FBLN1: variants seen among roughly 807,000 people sequenced by gnomAD.
FBLN1 encodes fibulin-1.
FBLN1 carries 34 observed loss-of-function variants against 89.7 expected under a neutral mutation model. The observed-to-expected ratio is 0.38, with a 90% CI of 0.29 to 0.50. FBLN1 has a LOEUF of 0.50. FBLN1 is among the 20% of genes least tolerant of loss of function. The pLI is 0.92. For missense variants in FBLN1, 777 were observed against 988.1 expected (o/e 0.79, Z 2.86); for synonymous variants, 393 against 391.3 (o/e 1.00, Z -0.05).
At chr22:45,516,970 G>C (rs2088177993) in intron 1 of FBLN1, among the ~76,000 whole-genome samples, 1 of 152,240 alleles carries the variant, frequency 6.6e-6, no homozygotes, top group Admixed American at 6.5e-5. Context: ...GAATGTTTCT[G>C]CAAGTTTCCC....
chr22:45,597,115 A>G lies in FBLN1; in HGVS notation c.1973-3192A>G, dbSNP rs2089194257. Among the ~76,000 whole-genome samples, 1 of 142,336 alleles carries G rather than the reference A, an allele frequency of 7.0e-6. No individual in the cohort carries two copies. The highest frequency in any genetic ancestry group is 1.6e-5 in the Non-Finnish European group (1 of 63,866). The allele number at this position is 142,336 out of a possible 152,430, so 93.4% of individuals were successfully genotyped here. On this transcript the variant is annotated intron_variant, in intron 16 of 16. Coordinates refer to ENST00000327858, the MANE Select transcript of FBLN1 (RefSeq NM_006486.3). The surrounding 1 kb of genome is among the most constrained non-coding windows in gnomAD (Gnocchi z 4.2). ...CTTCCCGGGCTCAAACAATTCTGCCACCTCAGCCTCCTGAGTAGCTGGGAC... is the reference window on the plus strand; with the variant it reads ...CTTCCCGGGCTCAAACAATTCTGCCGCCTCAGCCTCCTGAGTAGCTGGGAC...
rs1159113340 is a variant in FBLN1, at chr22:45,549,162, C to T, written c.1573+418C>T. ...CATGGCTATGGGTCAGCTCCAGCATCGGCTAAGTAATGGTGGCCAATGGCA... is the reference window on the plus strand; with the variant it reads ...CATGGCTATGGGTCAGCTCCAGCATTGGCTAAGTAATGGTGGCCAATGGCA... On this transcript the variant is annotated intron_variant, in intron 13 of 16. Coordinates refer to ENST00000327858, the MANE Select transcript of FBLN1 (RefSeq NM_006486.3). This position sits in a 1 kb window ranked among gnomAD's most constrained non-coding sequence, Gnocchi z 5.7. 1.3e-5 allele frequency among the ~76,000 whole-genome samples: 2 copies of T among 152,224 alleles called. No homozygotes were observed. Among genetic ancestry groups the T allele is most frequent in the African/African-American group, 2.4e-5 (1 of 41,454 alleles).
intron 2 of FBLN1, among the ~76,000 whole-genome samples, chr22:45,522,913 A>G (rs1328622632): frequency 6.6e-6 from 1 of 152,098 alleles, no homozygotes; most frequent in Non-Finnish European, 1.5e-5. Flanking sequence ...GTGAGTGGGG[A>G]TCAATCGGTG....
chr22:45,596,871 CTATT>C (rs997766143), intron 16 of FBLN1, among the ~76,000 whole-genome samples: 4 of 78,884 alleles, frequency 5.1e-5, no homozygotes, highest in African/African-American at 1.6e-4. Context: ...ACACTTTAAA[CTATT>C]TAAAATACAG....
chr22:45,574,399 TG>T lies in FBLN1; in HGVS notation c.1698-109del. On this transcript the variant is annotated intron_variant, in intron 14 of 16. Coordinates refer to ENST00000327858, the MANE Select transcript of FBLN1 (RefSeq NM_006486.3). The surrounding 1 kb of genome is among the most constrained non-coding windows in gnomAD (Gnocchi z 4.1). The stretch of plus-strand genomic sequence containing the variant: ...TGTCGTTCTCTGATGGAGCTGTCTC[TG>T]GGACAGATGCCCCTGCCCTGGCCAC... 1.7e-6 allele frequency: 2 copies of T among 1,165,880 alleles called. No individual in the cohort carries two copies. The highest frequency in any genetic ancestry group is 2.5e-6 in the Non-Finnish European group (2 of 796,324). 72.2% of individuals were successfully genotyped at this position (1,165,880 alleles called of 1,614,324 possible). A position where few individuals can be genotyped will look rare whatever the true frequency, so the allele number is the denominator to read the frequency against.
intron 2 of FBLN1, among the ~76,000 whole-genome samples, chr22:45,520,795 T>G (rs1241107700): frequency 1.3e-5 from 2 of 152,138 alleles, no homozygotes; most frequent in East Asian, 3.8e-4. Context: ...CACTAATGTC[T>G]TTGGTAAATT....
intron 14 of FBLN1, among the ~76,000 whole-genome samples, chr22:45,553,365 G>A (rs2088730119): frequency 1.3e-5 from 2 of 152,206 alleles, no homozygotes; most frequent in South Asian, 4.1e-4. Context: ...GGACATGTCT[G>A]GAAACCAGGG....
rs780377419 is a variant in FBLN1, at chr22:45,575,262, G to A, written c.1840+609G>A. On this transcript the variant is annotated intron_variant, in intron 15 of 16. Coordinates refer to ENST00000327858, the MANE Select transcript of FBLN1 (RefSeq NM_006486.3). The surrounding 1 kb of genome is among the most constrained non-coding windows in gnomAD (Gnocchi z 6.3). Reference sequence around the variant, plus strand: ...CACTGGAGAATCAGGGAGGGCCTCCGGGAGGAAGTGATGGCTAGGCTGGGT... The same window carrying A: ...CACTGGAGAATCAGGGAGGGCCTCCAGGAGGAAGTGATGGCTAGGCTGGGT... Among the ~76,000 whole-genome samples, 1 of 152,118 alleles carries A rather than the reference G, an allele frequency of 6.6e-6. No individual in the cohort carries two copies. The highest frequency in any genetic ancestry group is 2.4e-5 in the African/African-American group (1 of 41,410).
At chr22:45,599,873 C>A (rs1601551717) in intron 16 of FBLN1, among the ~76,000 whole-genome samples, 1 of 152,188 alleles carries the variant, frequency 6.6e-6, no homozygotes, top group African/African-American at 2.4e-5. Flanking sequence ...GCCGAGATCA[C>A]GCCATTGCAC....
chr22:45,562,458 G>A lies in FBLN1; in HGVS notation c.1697+11843G>A, dbSNP rs1406259918. 6.6e-6 allele frequency among the ~76,000 whole-genome samples: 1 copy of A among 152,222 alleles called. No homozygotes were observed. Among genetic ancestry groups the A allele is most frequent in the Admixed American group, 6.5e-5 (1 of 15,290 alleles). ...ACACTAGAGAGTGCATGGTGAGGAA[G>A]AGCTGAGCACTTGGTAAACGGCAGC... On this transcript the variant is annotated intron_variant, in intron 14 of 16. Coordinates refer to ENST00000327858, the MANE Select transcript of FBLN1 (RefSeq NM_006486.3). The surrounding 1 kb of genome is among the most constrained non-coding windows in gnomAD (Gnocchi z 7.8).
In FBLN1 at chr22:45,600,403, ATGT is replaced by A; in HGVS notation, c.2073_2075del (p.Val692del). Reference sequence around the variant, plus strand: ...GTCGGGGGCGTGGTCTCCCACCGAAATGTTGTCAACGTCCACATCTTCGTCTCT... The same window carrying A: ...GTCGGGGGCGTGGTCTCCCACCGAAATGTCAACGTCCACATCTTCGTCTCT... On this transcript the variant is annotated inframe_deletion, in exon 17 of 17. Transcript: ENST00000327858. 1.9e-6 allele frequency: 3 copies of A among 1,614,158 alleles called. No homozygotes were observed. The highest frequency in any genetic ancestry group is 2.5e-6 in the Non-Finnish European group (3 of 1,180,036).
At position 45,532,478 on chromosome 22, in the gene FBLN1, G is replaced by A. The variant is rs575154464; in HGVS notation, c.545-585G>A. ...CTGGCAGCAGTTAGAAGTGTATCTC[G>A]TAGAATCTTTCCCTGGTTGAGGCTT... is the stretch of plus-strand genomic sequence containing the variant. On this transcript the variant is annotated intron_variant, in intron 5 of 16. Transcript: ENST00000327858. The surrounding 1 kb of genome is among the most constrained non-coding windows in gnomAD (Gnocchi z 4.2). 9.9e-5 allele frequency among the ~76,000 whole-genome samples: 15 copies of A among 152,262 alleles called. No homozygotes were observed. Among genetic ancestry groups the A allele is most frequent in the Admixed American group, 2.0e-4 (3 of 15,302 alleles).
intron 2 of FBLN1, among the ~76,000 whole-genome samples, chr22:45,524,953 G>A (rs548844255): frequency 2.0e-5 from 3 of 152,030 alleles, no homozygotes; most frequent in South Asian, 2.1e-4. Flanking sequence ...GTGTGGTGGC[G>A]CATGCCTGTA....
intron 1 of FBLN1, among the ~76,000 whole-genome samples, chr22:45,512,890 T>C (rs897864555): frequency 1.3e-5 from 2 of 152,236 alleles, no homozygotes; most frequent in African/African-American, 4.8e-5. Context: ...TCCAAAGTGC[T>C]AGGATCATAG....
chr22:45,553,617 G>A (rs999610693), intron 14 of FBLN1, among the ~76,000 whole-genome samples: 25 of 152,232 alleles, frequency 1.6e-4, no homozygotes, highest in African/African-American at 5.8e-4. Context: ...TTATTTTTGT[G>A]CATTAGTCAT....
At chr22:45,543,583 C>T (rs747782991) in intron 11 of FBLN1, 57 bp downstream of exon 11, 65 of 1,594,550 alleles carry the variant, frequency 4.1e-5, no homozygotes, top group Admixed American at 6.9e-5. Flanking sequence ...CCTGGGGAAG[C>T]CACCCTTCTG....
At chr22:45,555,266 A>T (rs1198496318) in intron 14 of FBLN1, among the ~76,000 whole-genome samples, 6 of 31,178 alleles carry the variant, frequency 1.9e-4, no homozygotes, top group African/African-American at 5.2e-4. Context: ...TATATATATA[A>T]AATGGAATAT....
chr22:45,573,117 T>G (rs2088964047), intron 14 of FBLN1, among the ~76,000 whole-genome samples: 1 of 151,892 alleles, frequency 6.6e-6, no homozygotes, highest in Admixed American at 6.6e-5. Flanking sequence ...TCCCAGCTAC[T>G]TGGGAGGCTG....
At chr22:45,522,940 C>G in intron 2 of FBLN1, 1 of 488,548 alleles carries the variant, frequency 2.0e-6, no homozygotes, top group Non-Finnish European at 3.8e-6. Flanking sequence ...ATATGCAAGT[C>G]CCCTGGCCTC....
Sources: gnomAD v4.1 joint callset for allele counts (sites outside exome capture counted in the v4.1 genomes callset) on GRCh38, gnomAD v4.1.1 for gene constraint, Gnocchi (gnomAD v3.1) non-coding constraint, MANE v1.5 for transcripts, NCBI Gene and HGNC (gene_info 2026-07-23, HGNC 2026-07-21) for gene names.